CNTNAP2: variants seen among roughly 807,000 people sequenced by gnomAD.
CNTNAP2 encodes contactin associated protein 2, also known as contactin-associated protein-like 2.
CNTNAP2 carries 98 observed loss-of-function variants against 155.2 expected under a neutral mutation model. That is an observed-to-expected ratio of 0.63 (90% CI 0.54 to 0.75). The LOEUF (loss-of-function observed/expected upper bound fraction) is 0.75. Ranked by LOEUF, CNTNAP2 falls within the 30% of genes least tolerant of loss-of-function variation. The pLI is 0.00. For synonymous variants in CNTNAP2, 651 were observed against 631.2 expected, an observed-to-expected ratio of 1.03 and a Z score of -0.47; for missense variants, 1,727 against 1,688.1, an observed-to-expected ratio of 1.02 and a Z score of -0.40.
chr7:146,702,131 C>T (rs1279416033), intron 1 of CNTNAP2, among the ~76,000 whole-genome samples: 2 of 152,074 alleles, frequency 1.3e-5, no homozygotes, highest in African/African-American at 4.8e-5. Context: ...TTCCTGAAAG[C>T]AAGTCTTAGG....
chr7:146,716,213 GAAAA>G (rs571237905), intron 1 of CNTNAP2, among the ~76,000 whole-genome samples: 4,891 of 112,986 alleles, frequency 0.043, 107 homozygotes, highest in Middle Eastern at 0.071. Context: ...AAGTCTGCAG[GAAAA>G]AAAAAAAAAA....
intron 13 of CNTNAP2, among the ~76,000 whole-genome samples, chr7:147,780,114 G>A (rs970407862): frequency 2.0e-5 from 3 of 152,278 alleles, no homozygotes; most frequent in Non-Finnish European, 2.9e-5. Flanking sequence ...GAAAGTTCTA[G>A]AGGATGAGAC....
intron 13 of CNTNAP2, among the ~76,000 whole-genome samples, chr7:147,819,607 A>G (rs1459366292): frequency 6.6e-6 from 1 of 152,180 alleles, no homozygotes; most frequent in African/African-American, 2.4e-5. Flanking sequence ...GTAAATTTTG[A>G]CAAATGTATA....
chr7:146,433,547 G>A (rs908902923), intron 1 of CNTNAP2, among the ~76,000 whole-genome samples: 5 of 152,076 alleles, frequency 3.3e-5, no homozygotes, highest in Admixed American at 6.6e-5. Context: ...TATATTTAAA[G>A]TTTCAGACTG....
intron 13 of CNTNAP2, among the ~76,000 whole-genome samples, chr7:147,749,585 T>C (rs747253639): frequency 6.6e-6 from 1 of 152,200 alleles, no homozygotes; most frequent in Non-Finnish European, 1.5e-5. Context: ...TTCCCAAAAA[T>C]GATGATTTTT....
intron 1 of CNTNAP2, among the ~76,000 whole-genome samples, chr7:146,536,140 G>A (rs1420517130): frequency 6.6e-6 from 1 of 152,056 alleles, no homozygotes; most frequent in Non-Finnish European, 1.5e-5. Flanking sequence ...TTTGCCACCT[G>A]ATGGTAGATT....
At chr7:146,510,892 G>GTTTTTCT (rs1187803658) in intron 1 of CNTNAP2, among the ~76,000 whole-genome samples, 2 of 151,720 alleles carry the variant, frequency 1.3e-5, no homozygotes, top group East Asian at 3.9e-4. Flanking sequence ...TGGTCTTTAG[G>GTTTTTCT]TTTTTCTTTT....
intron 21 of CNTNAP2, among the ~76,000 whole-genome samples, chr7:148,309,647 C>T (rs993682534): frequency 6.6e-6 from 1 of 151,202 alleles, no homozygotes; most frequent in Non-Finnish European, 1.5e-5. Context: ...AGCTTTTGAG[C>T]CAGGATGAGC....
At chr7:147,177,453 C>T in intron 8 of CNTNAP2, among the ~76,000 whole-genome samples, 1 of 152,004 alleles carries the variant, frequency 6.6e-6, no homozygotes, top group South Asian at 2.1e-4. Flanking sequence ...TTTTCTGAGG[C>T]CTCCCCAGCC....
At chr7:148,245,477 T>A (rs1020452047) in intron 20 of CNTNAP2, among the ~76,000 whole-genome samples, 1 of 152,236 alleles carries the variant, frequency 6.6e-6, no homozygotes, top group Non-Finnish European at 1.5e-5. Flanking sequence ...GCTGCTGGCA[T>A]ATTCTGCGCG....
At chr7:147,931,039 A>C (rs1280492869) in intron 14 of CNTNAP2, among the ~76,000 whole-genome samples, 3 of 152,306 alleles carry the variant, frequency 2.0e-5, no homozygotes, top group East Asian at 3.9e-4. Flanking sequence ...GCAATACAGC[A>C]AAAGCAATTT....
rs1804828143 is a variant in CNTNAP2 at position 147,273,956 on chromosome 7, ATTACATAACATATATT to A, written c.1349-26184_1349-26169del. On this transcript the variant is annotated intron_variant, in intron 8 of 23. Coordinates refer to ENST00000361727, the MANE Select transcript of CNTNAP2 (RefSeq NM_014141.6). ...ATGTAATATCTATTTTATGTAATAT[ATTACATAACATATATT>A]ACATGTATGTTATGTAGTATATATT... Among the ~76,000 whole-genome samples, 5 of 148,184 alleles carry A rather than the reference ATTACATAACATATATT, an allele frequency of 3.4e-5. No homozygotes were observed. In the Admixed American group the frequency reaches 3.4e-4, roughly 10 times the overall value.
rs1554414674 is a variant in CNTNAP2, at chr7:148,301,306, A to ATATATATATATATAT, written c.3475+34180_3475+34181insTATATATATATATAT. ...GAGACTCCGTCTAAAAAAAAAAAAA[A>ATATATATATATATAT]ATATATATATATATATAGGTTAAAA... On this transcript the variant is annotated intron_variant, in intron 21 of 23. Transcript: ENST00000361727. 4.8e-5 allele frequency among the ~76,000 whole-genome samples: 5 copies of ATATATATATATATAT among 103,848 alleles called. No homozygotes were observed. The South Asian group carries it at 1.0e-3, about 21-fold the overall frequency. The allele number at this position is 103,848 out of a possible 152,430, so 68.1% of individuals were successfully genotyped here. A position where few individuals can be genotyped will look rare whatever the true frequency, so the allele number is the denominator to read the frequency against.
intron 1 of CNTNAP2, among the ~76,000 whole-genome samples, chr7:146,280,332 G>A (rs1395719357): frequency 2.0e-5 from 3 of 152,066 alleles, no homozygotes; most frequent in African/African-American, 7.2e-5. Context: ...TAGTTGATAC[G>A]AACTTTTATT....
intron 21 of CNTNAP2, among the ~76,000 whole-genome samples, chr7:148,331,583 GGATGGATGGAA>G (rs1563045770): frequency 1.9e-4 from 29 of 151,314 alleles, no homozygotes; most frequent in Admixed American, 2.6e-4. Flanking sequence ...TGGATGGAAT[GGATGGATGGAA>G]TGGATGGATG....
chr7:146,294,451 G>A (rs917823049), intron 1 of CNTNAP2, among the ~76,000 whole-genome samples: 1 of 152,196 alleles, frequency 6.6e-6, no homozygotes, highest in African/African-American at 2.4e-5. Flanking sequence ...GCCAATGTCA[G>A]CTGGCCCAGA....
intron 1 of CNTNAP2, among the ~76,000 whole-genome samples, chr7:146,594,216 T>G (rs2129150043): frequency 6.6e-6 from 1 of 152,274 alleles, no homozygotes; most frequent in East Asian, 1.9e-4. Context: ...CCTATTGCAA[T>G]AATACTGAAT....
intron 18 of CNTNAP2, among the ~76,000 whole-genome samples, chr7:148,179,635 AAGAG>A (rs141902334): frequency 0.22 from 31,210 of 144,998 alleles, 3,723 homozygotes; most frequent in African/African-American, 0.3. Context: ...GAAGGAGAGA[AAGAG>A]AGAAAGAGTG....
At chr7:146,521,615 G>A (rs1257841521) in intron 1 of CNTNAP2, among the ~76,000 whole-genome samples, 2 of 151,968 alleles carry the variant, frequency 1.3e-5, no homozygotes, top group South Asian at 2.1e-4. Context: ...TTAAACACCA[G>A]AATTTTTGTA....
Sources: allele counts gnomAD v4.1 joint callset (sites outside exome capture counted in the v4.1 genomes callset), GRCh38; gene constraint gnomAD v4.1.1; transcripts MANE v1.5; gene names NCBI Gene and HGNC (gene_info 2026-07-23, HGNC 2026-07-21).